The following LOC400499 variants were observed in gnomAD, a reference collection of about 807,000 sequenced individuals.
chr16:11,408,675 G>A, the LOC400499 span, among the ~76,000 whole-genome samples: 2 of 151,452 alleles, frequency 1.3e-5, no homozygotes, highest in African/African-American at 4.9e-5. Context: ...TAGGTTGCAG[G>A]CTGTTTTGAA....
the LOC400499 span, among the ~76,000 whole-genome samples, chr16:11,422,280 T>A: frequency 1.3e-5 from 2 of 152,138 alleles, no homozygotes; most frequent in African/African-American, 4.8e-5. Flanking sequence ...TGGGCACCTG[T>A]AATCCCACCT....
At chr16:11,396,500 T>G in the LOC400499 span, 1 of 1,232,082 alleles carries the variant, frequency 8.1e-7, no homozygotes, top group African/African-American at 1.6e-5. Flanking sequence ...AGCCCCATCC[T>G]GGCCACTGAC....
the LOC400499 span, chr16:11,391,858 G>C: frequency 2.5e-6 from 3 of 1,223,974 alleles, no homozygotes; most frequent in East Asian, 3.2e-5. Flanking sequence ...CCTGCCGGCT[G>C]CACCTGGACA....
At chr16:11,498,507 A>AAATT in the LOC400499 span, among the ~76,000 whole-genome samples, 1 of 151,616 alleles carries the variant, frequency 6.6e-6, no homozygotes, top group Non-Finnish European at 1.5e-5. Flanking sequence ...TTAAATAATT[A>AAATT]AATAAATAAA....
chr16:11,490,749 C>T, the LOC400499 span, among the ~76,000 whole-genome samples: 1 of 152,132 alleles, frequency 6.6e-6, no homozygotes, highest in Non-Finnish European at 1.5e-5. Context: ...GCAAGTAGAA[C>T]ATGATCCTGA....
At chr16:11,402,769 C>T in the LOC400499 span, among the ~76,000 whole-genome samples, 5 of 152,170 alleles carry the variant, frequency 3.3e-5, no homozygotes, top group Admixed American at 1.3e-4. Flanking sequence ...CCCACAGCCT[C>T]GTGAGCAAGG....
At chr16:11,427,728 G>T in the LOC400499 span, among the ~76,000 whole-genome samples, 2 of 152,172 alleles carry the variant, frequency 1.3e-5, no homozygotes, top group African/African-American at 2.4e-5. Flanking sequence ...TTATAGGTGT[G>T]AGCCACTGCT....
the LOC400499 span, among the ~76,000 whole-genome samples, chr16:11,476,240 C>A: frequency 6.6e-6 from 1 of 151,968 alleles, no homozygotes; most frequent in South Asian, 2.1e-4. Flanking sequence ...TGGAGCAGGA[C>A]AAGGGAAAGA....
the LOC400499 span, chr16:11,502,071 C>A: frequency 2.0e-5 from 8 of 399,028 alleles, no homozygotes; most frequent in East Asian, 3.6e-5. Flanking sequence ...CGGAGAGGGA[C>A]CTTACCCATT....
the LOC400499 span, among the ~76,000 whole-genome samples, chr16:11,500,406 G>A: frequency 0.66 from 100,521 of 151,778 alleles, 33,424 homozygotes; most frequent in Admixed American, 0.74. Flanking sequence ...AGCTACTTGG[G>A]AGGCTGAGGC....
At chr16:11,398,473 C>T in the LOC400499 span, 1 of 1,232,284 alleles carries the variant, frequency 8.1e-7, no homozygotes, top group East Asian at 3.2e-5. Context: ...AGCGTGGCCT[C>T]CATGATGATC....
At chr16:11,447,707 G>C in the LOC400499 span, among the ~76,000 whole-genome samples, 1 of 152,214 alleles carries the variant, frequency 6.6e-6, no homozygotes, top group South Asian at 2.1e-4. Context: ...CTAGGATGAT[G>C]AGACTCTTAA....
At chr16:11,456,314 C>G in the LOC400499 span, among the ~76,000 whole-genome samples, 1 of 152,186 alleles carries the variant, frequency 6.6e-6, no homozygotes, top group Non-Finnish European at 1.5e-5. Context: ...TCCTAAAGTA[C>G]TAGGATTACA....
chr16:11,493,504 T>C, the LOC400499 span: 1 of 388,402 alleles, frequency 2.6e-6, no homozygotes. Context: ...TGGATACCTG[T>C]TCACACTAGT....
chr16:11,423,885 T>C, the LOC400499 span, among the ~76,000 whole-genome samples: 7 of 152,118 alleles, frequency 4.6e-5, no homozygotes, highest in Non-Finnish European at 1.0e-4. Context: ...GAGGGCAGGG[T>C]ACCCTGCAGC....
the LOC400499 span, among the ~76,000 whole-genome samples, chr16:11,400,414 A>T: frequency 3.4e-5 from 2 of 57,982 alleles, no homozygotes; most frequent in South Asian, 8.0e-4. Flanking sequence ...CCACCCACCC[A>T]CCCAGTCACG....
the LOC400499 span, among the ~76,000 whole-genome samples, chr16:11,388,337 A>G: frequency 6.6e-6 from 1 of 152,206 alleles, no homozygotes; most frequent in African/African-American, 2.4e-5. Context: ...GCAGGAAGGC[A>G]GGAGCAGGAA....
chr16:11,444,529 G>C, the LOC400499 span, among the ~76,000 whole-genome samples: 1 of 152,218 alleles, frequency 6.6e-6, no homozygotes, highest in Admixed American at 6.5e-5. Context: ...CGGTGCTCTT[G>C]AATTGTAACG....
At chr16:11,500,783 G>A in the LOC400499 span, 14 of 398,980 alleles carry the variant, frequency 3.5e-5, no homozygotes, top group African/African-American at 2.1e-4. Flanking sequence ...CCGGGGCCCC[G>A]GGTGGGGTGC....
Sources: allele counts gnomAD v4.1 joint callset (sites outside exome capture counted in the v4.1 genomes callset), GRCh38; gene constraint gnomAD v4.1.1; transcripts MANE v1.5.